Variants in TAFA5 observed in about 807,000 individuals in gnomAD.
The protein encoded by TAFA5 is TAFA chemokine like family member 5.
TAFA5 carries 6 observed loss-of-function variants against 15.3 expected under a neutral mutation model. The observed-to-expected ratio is 0.39, with a 90% CI of 0.21 to 0.77. The LOEUF is 0.77. Among genes scored for constraint, TAFA5 ranks in the 30% least tolerant of loss-of-function variants. The pLI is 0.41. For synonymous variants in TAFA5, 103 were observed against 80.7 expected, an observed-to-expected ratio of 1.28 and a Z score of -1.48; for missense variants, 161 against 193.1, an observed-to-expected ratio of 0.83 and a Z score of 0.98.
rs535068094 is a variant in TAFA5 at position 48,576,039 on chromosome 22, A to ACCCCCCCCCCCC, written c.113-70555_113-70544dup. ...GAGGAGGGGGCCGGGGCCGCGCCGGACCCCCCCCCCCCCCGCGCCGCCCGG... is the reference window on the plus strand; with the variant it reads ...GAGGAGGGGGCCGGGGCCGCGCCGGACCCCCCCCCCCCCCCCCCCCCCCCCCGCGCCGCCCGG... On this transcript the variant is annotated intron_variant, in intron 1 of 3. Transcript: ENST00000402357. Among the ~76,000 whole-genome samples the ACCCCCCCCCCCC allele has an allele frequency of 4.1e-4, 13 of 31,430 alleles. 3 individuals are homozygous for ACCCCCCCCCCCC. The highest frequency in any genetic ancestry group is 1.9e-3 in the African/African-American group (8 of 4,260). The allele number at this position is 31,430 out of a possible 152,430, so 20.6% of individuals were successfully genotyped here. A position where few individuals can be genotyped will look rare whatever the true frequency, so the allele number is the denominator to read the frequency against.
At chr22:48,702,762 C>G (rs1053655605) in intron 2 of TAFA5, among the ~76,000 whole-genome samples, 2 of 152,220 alleles carry the variant, frequency 1.3e-5, no homozygotes, top group Non-Finnish European at 2.9e-5. Context: ...CACCCGAGCC[C>G]GGGGAAAGGG....
intron 1 of TAFA5, chr22:48,576,650 C>T (rs1168966192): frequency 4.8e-6 from 6 of 1,246,578 alleles, no homozygotes; most frequent in Non-Finnish European, 1.0e-6. Flanking sequence ...ACCCGGCTTC[C>T]AGCACGTTCC....
chr22:48,574,749 T>C (rs1003425441), intron 1 of TAFA5, among the ~76,000 whole-genome samples: 2 of 152,222 alleles, frequency 1.3e-5, no homozygotes, highest in African/African-American at 4.8e-5. Flanking sequence ...AAAAATACCT[T>C]GAGGCCCACC....
intron 3 of TAFA5, among the ~76,000 whole-genome samples, chr22:48,729,289 T>TTTATATTTATTTATA (rs1569096790): frequency 3.2e-4 from 27 of 84,208 alleles, no homozygotes; most frequent in African/African-American, 8.3e-4. Flanking sequence ...AAATATATAA[T>TTTATATTTATTTATA]AATTTTATAT....
chr22:48,544,802 C>G (rs754429591), intron 1 of TAFA5: 41 of 471,090 alleles, frequency 8.7e-5, no homozygotes, highest in Middle Eastern at 3.2e-4. Context: ...CTAGGCGAGG[C>G]CTGCAAACAA....
At chr22:48,675,655 C>T (rs769565973) in intron 2 of TAFA5, among the ~76,000 whole-genome samples, 2 of 152,264 alleles carry the variant, frequency 1.3e-5, no homozygotes, top group Non-Finnish European at 1.5e-5. Flanking sequence ...GCTCTGACAC[C>T]ACTGGGTGCA....
At chr22:48,554,210 G>A (rs1922952279) in intron 1 of TAFA5, among the ~76,000 whole-genome samples, 1 of 152,216 alleles carries the variant, frequency 6.6e-6, no homozygotes, top group Non-Finnish European at 1.5e-5. Context: ...ATGCTCCCGG[G>A]TGTCTGGGCT....
At chr22:48,635,771 T>C (rs944597142) in intron 1 of TAFA5, among the ~76,000 whole-genome samples, 9 of 152,202 alleles carry the variant, frequency 5.9e-5, no homozygotes, top group African/African-American at 2.2e-4. Flanking sequence ...TCAGTGTCCC[T>C]GAGGAGCCAG....
At chr22:48,728,716 A>C (rs1287308898) in intron 3 of TAFA5, among the ~76,000 whole-genome samples, 1 of 152,232 alleles carries the variant, frequency 6.6e-6, no homozygotes, top group African/African-American at 2.4e-5. Context: ...ACACAACTTA[A>C]GCGGGAGGAA....
intron 1 of TAFA5, among the ~76,000 whole-genome samples, chr22:48,568,784 G>C (rs1187999381): frequency 1.3e-5 from 2 of 152,190 alleles, no homozygotes; most frequent in African/African-American, 4.8e-5. Context: ...GCTGCCCCAT[G>C]AGCCTGGACT....
At chr22:48,630,641 C>A (rs738686) in intron 1 of TAFA5, among the ~76,000 whole-genome samples, 5 of 151,946 alleles carry the variant, frequency 3.3e-5, no homozygotes, top group South Asian at 2.1e-4. Context: ...CAGTGAGTGC[C>A]GCTTCCAGAA....
chr22:48,635,094 G>A (rs546154245), intron 1 of TAFA5, among the ~76,000 whole-genome samples: 40 of 152,356 alleles, frequency 2.6e-4, no homozygotes, highest in African/African-American at 9.6e-4. Context: ...CTGGGGCCTG[G>A]GGACGGAGAA....
At chr22:48,683,117 G>A (rs945138086) in intron 2 of TAFA5, among the ~76,000 whole-genome samples, 4 of 152,092 alleles carry the variant, frequency 2.6e-5, no homozygotes, top group African/African-American at 9.7e-5. Flanking sequence ...AGTCCCGGTG[G>A]CAATACCAGC....
intron 1 of TAFA5, among the ~76,000 whole-genome samples, chr22:48,604,800 C>T (rs1377465902): frequency 1.3e-5 from 2 of 152,112 alleles, no homozygotes; most frequent in Non-Finnish European, 2.9e-5. Flanking sequence ...GGGGGCCTCT[C>T]TAAGGGTATG....
At chr22:48,491,285 C>T (rs1928145819) in intron 1 of TAFA5, among the ~76,000 whole-genome samples, 1 of 152,138 alleles carries the variant, frequency 6.6e-6, no homozygotes, top group Admixed American at 6.5e-5. Context: ...AGCAAGGCTT[C>T]CTAGGAGATG....
chr22:48,632,896 T>C (rs1351950713), intron 1 of TAFA5, among the ~76,000 whole-genome samples: 1 of 152,094 alleles, frequency 6.6e-6, no homozygotes, highest in Non-Finnish European at 1.5e-5. Context: ...AGGCATAGAC[T>C]ACAACACTAG....
At chr22:48,580,728 C>T (rs1294481526) in intron 1 of TAFA5, among the ~76,000 whole-genome samples, 3 of 152,208 alleles carry the variant, frequency 2.0e-5, no homozygotes, top group African/African-American at 2.4e-5. Context: ...TGTGCCTGCA[C>T]CCCTGCACCC....
At chr22:48,681,490 CAA>C (rs33981971) in intron 2 of TAFA5, among the ~76,000 whole-genome samples, 31 of 134,672 alleles carry the variant, frequency 2.3e-4, no homozygotes, top group African/African-American at 8.1e-4. Flanking sequence ...TAAAAAAATA[CAA>C]AAAAAAAAAA....
Position 48,688,789 on chromosome 22 carries a change from G to A in TAFA5, c.263-18928G>A, listed in dbSNP as rs548266673. Among the ~76,000 whole-genome samples, 866 of 152,184 alleles carry A rather than the reference G, an allele frequency of 5.7e-3. 6 individuals are homozygous for A. Among genetic ancestry groups the A allele is most frequent in the African/African-American group, 0.02 (811 of 41,530 alleles). On this transcript the variant is annotated intron_variant, in intron 2 of 3. Transcript: ENST00000402357. Reference sequence around the variant, plus strand: ...GCGGATCACCTGAGGTCAGGAGTTCGAGATCAGCCTGACCAACATTGTGAA... The same window carrying A: ...GCGGATCACCTGAGGTCAGGAGTTCAAGATCAGCCTGACCAACATTGTGAA...
Sources: allele counts gnomAD v4.1 joint callset (sites outside exome capture counted in the v4.1 genomes callset), GRCh38; gene constraint gnomAD v4.1.1; transcripts MANE v1.5; gene names NCBI Gene and HGNC (gene_info 2026-07-23, HGNC 2026-07-21).